ZNF675: variants seen among roughly 807,000 people sequenced by gnomAD.
The protein encoded by ZNF675 is zinc finger protein 675.
Under a neutral mutation model 56.1 loss-of-function variants are expected in ZNF675, and 36 were observed. The observed-to-expected ratio is 0.64, with a 90% CI of 0.49 to 0.85. ZNF675 has a LOEUF of 0.85. Ranked by LOEUF, ZNF675 falls within the 40% of genes least tolerant of loss-of-function variation. The pLI is 0.00. For synonymous variants in ZNF675, 200 were observed against 218.9 expected (o/e 0.91, Z 0.76); for missense variants, 663 against 654.2 (o/e 1.01, Z -0.15).
chr19:23,679,487 TAATG>T lies in ZNF675; in HGVS notation c.3+7540_3+7543del, dbSNP rs2095085035. Reference sequence around the variant, plus strand: ...CAGACACAGGAACCAGCAAATTTTATAATGAAGATACCAAAAGCAATTGCAACAA... The same window carrying T: ...CAGACACAGGAACCAGCAAATTTTATAAGATACCAAAAGCAATTGCAACAA... On this transcript the variant is annotated intron_variant, in intron 1 of 3. Transcript: ENST00000359788. 1.3e-5 allele frequency among the ~76,000 whole-genome samples: 2 copies of T among 151,572 alleles called. 1 individual carries two copies. Among genetic ancestry groups the T allele is most frequent in the African/African-American group, 4.9e-5 (2 of 40,972 alleles).
At chr19:23,664,521 C>G (rs1968123755) in intron 1 of ZNF675, among the ~76,000 whole-genome samples, 1 of 152,224 alleles carries the variant, frequency 6.6e-6, no homozygotes, top group South Asian at 2.1e-4. Flanking sequence ...ACGGACCACA[C>G]TTTCCTGTCA....
intron 3 of ZNF675, among the ~76,000 whole-genome samples, chr19:23,658,886 T>TATATAGATATATCTATATAGATATATAA (rs1555706356): frequency 2.3e-5 from 1 of 43,650 alleles, no homozygotes; most frequent in African/African-American, 6.1e-5. Flanking sequence ...TATCTATAGA[T>TATATAGATATATCTATATAGATATATAA]ATAGATCTAT....
intron 1 of ZNF675, among the ~76,000 whole-genome samples, chr19:23,677,754 G>A (rs959407417): frequency 3.4e-5 from 5 of 146,888 alleles, no homozygotes; most frequent in Non-Finnish European, 7.4e-5. Context: ...CCACAAAAAC[G>A]AATATCTAGA....
At chr19:23,660,695 CATAA>C (rs1383449193) in intron 3 of ZNF675, among the ~76,000 whole-genome samples, 6 of 151,984 alleles carry the variant, frequency 3.9e-5, no homozygotes, top group Non-Finnish European at 5.9e-5. Flanking sequence ...TTAGAAAAGA[CATAA>C]ATAAACTTGA....
chr19:23,680,731 G>C (rs527517061), intron 1 of ZNF675, among the ~76,000 whole-genome samples: 1 of 151,560 alleles, frequency 6.6e-6, no homozygotes. Context: ...TCCAGCCTGG[G>C]CAACAAGAGC....
chr19:23,666,792 TTCTC>T (rs1478171533), intron 1 of ZNF675, among the ~76,000 whole-genome samples: 1 of 131,224 alleles, frequency 7.6e-6, no homozygotes, highest in African/African-American at 2.9e-5. Context: ...TTCTCTCTCT[TTCTC>T]TCTCTCTCCT....
intron 1 of ZNF675, among the ~76,000 whole-genome samples, chr19:23,682,851 C>T (rs12971879): frequency 0.52 from 78,100 of 151,570 alleles, 21,845 homozygotes; most frequent in Non-Finnish European, 0.62. Context: ...AAAGTATCTA[C>T]ACCTTTCAAA....
At chr19:23,661,972 G>A in intron 3 of ZNF675, 142 bp downstream of exon 3, 1 of 642,158 alleles carries the variant, frequency 1.6e-6, no homozygotes, top group Non-Finnish European at 2.8e-6. Flanking sequence ...TCAAATGTGA[G>A]AGCATAAAAT....
intron 1 of ZNF675, among the ~76,000 whole-genome samples, chr19:23,675,358 A>C (rs4932895): frequency 0.97 from 147,160 of 151,600 alleles, 71,719 homozygotes; most frequent in Middle Eastern, 1. Context: ...CCAAATAGTA[A>C]TAAAATATCT....
In ZNF675 at chr19:23,653,746, T is replaced by C. The variant is rs1461999903; in HGVS notation, c.1187A>G (p.Tyr396Cys). 1 of 1,613,908 alleles carries C rather than the reference T, an allele frequency of 6.2e-7. No homozygotes were observed. The highest frequency in any genetic ancestry group is 8.5e-7 in the Non-Finnish European group (1 of 1,179,942). ...HRKIHTEEKP[Y>C]KCKECGKAFK... ...AGCTTTGCCACATTCTTTACATTTG[T>C]AGGGTTTCTCTTCGGTATGAATTTT... The change falls in exon 4 of 4, where the codon TAC becomes TGC. Residue 396 changes from tyrosine to cysteine, a missense_variant. Tyr to Cys is a radical substitution (Grantham distance 194, BLOSUM62 -2). This residue lies in a region of ZNF675 where 617 missense variants were observed against 590.5 expected (regional missense o/e 1.04). Coordinates refer to ENST00000359788, the MANE Select transcript of ZNF675 (RefSeq NM_138330.3).
At chr19:23,680,206 G>A (rs1280831172) in intron 1 of ZNF675, among the ~76,000 whole-genome samples, 1 of 151,364 alleles carries the variant, frequency 6.6e-6, no homozygotes, top group Non-Finnish European at 1.5e-5. Context: ...GGGAGGCTGA[G>A]GCAGGTGACT....
intron 1 of ZNF675, among the ~76,000 whole-genome samples, chr19:23,671,823 C>T (rs1968229976): frequency 1.3e-5 from 2 of 152,086 alleles, no homozygotes; most frequent in Middle Eastern, 3.4e-3. Context: ...AGTCTCCAGA[C>T]CTCTTCCTTG....
At chr19:23,684,676 A>ATG (rs1968421217) in intron 1 of ZNF675, among the ~76,000 whole-genome samples, 1 of 152,010 alleles carries the variant, frequency 6.6e-6, no homozygotes, top group Non-Finnish European at 1.5e-5. Context: ...TGTCTAATTC[A>ATG]TGTGTCAAGT....
Position 23,653,341 on chromosome 19 carries a change from G to A in ZNF675, c.1592C>T (p.Thr531Ile). 6.2e-7 allele frequency: 1 copy of A among 1,613,696 alleles called. No homozygotes were observed. Residue 531 changes from threonine to isoleucine, a missense_variant, in exon 4 of 4, where the codon ACT becomes ATT. Thr to Ile is a moderately conservative substitution (Grantham distance 89, BLOSUM62 -1). This residue lies in a region of ZNF675 where 617 missense variants were observed against 590.5 expected (regional missense o/e 1.04). Coordinates refer to ENST00000359788, the MANE Select transcript of ZNF675 (RefSeq NM_138330.3). ...CTCACATTTATAGGGTTTCTCTCCAGTATGAATTATCTTATGTTCAGTAAG... is the reference window on the plus strand; with the variant it reads ...CTCACATTTATAGGGTTTCTCTCCAATATGAATTATCTTATGTTCAGTAAG... ...SKLTEHKIIH[T>I]GEKPYKCERC...
chr19:23,685,823 G>T (rs1297632957), intron 1 of ZNF675, among the ~76,000 whole-genome samples: 6 of 152,310 alleles, frequency 3.9e-5, no homozygotes, highest in Admixed American at 3.9e-4. Context: ...TTTACTGCAA[G>T]TCATAGTTAG....
chr19:23,666,912 G>A (rs1456988369), intron 1 of ZNF675, among the ~76,000 whole-genome samples: 1 of 151,700 alleles, frequency 6.6e-6, no homozygotes, highest in Non-Finnish European at 1.5e-5. Context: ...GAGACCTTTC[G>A]TCTGTTTGTT....
intron 1 of ZNF675, among the ~76,000 whole-genome samples, 167 bp downstream of exon 1, chr19:23,686,864 C>T (rs1320512637): frequency 6.6e-6 from 1 of 152,120 alleles, no homozygotes; most frequent in Admixed American, 6.5e-5. Context: ...GCTGTCAGCG[C>T]GCCGCCATCT....
chr19:23,674,593 G>C (rs765129400), intron 1 of ZNF675, among the ~76,000 whole-genome samples: 1 of 148,162 alleles, frequency 6.7e-6, no homozygotes, highest in Non-Finnish European at 1.5e-5. Flanking sequence ...CAGTGAGCCT[G>C]GTCGACAGAA....
chr19:23,666,782 TTCTCTCTCTTTCTC>T (rs1461264459), intron 1 of ZNF675, among the ~76,000 whole-genome samples: 2 of 63,438 alleles, frequency 3.2e-5, no homozygotes, highest in Non-Finnish European at 5.9e-5. Context: ...CTTTTTCTCT[TTCTCTCTCTTTCTC>T]TCTCTCTCCT....
Sources: gnomAD v4.1 joint callset for allele counts (sites outside exome capture counted in the v4.1 genomes callset) on GRCh38, gnomAD v4.1.1 for gene constraint, gnomAD v4.1.1 regional missense constraint, MANE v1.5 for transcripts, NCBI Gene and HGNC (gene_info 2026-07-23, HGNC 2026-07-21) for gene names.